HS6ST3: variants seen among roughly 807,000 people sequenced by gnomAD.
HS6ST3 encodes the protein heparan sulfate 6-O-sulfotransferase 3, also known as heparan-sulfate 6-O-sulfotransferase 3.
In HS6ST3, 12 loss-of-function variants were observed where a neutral mutation model predicts 36.7. The observed-to-expected ratio is 0.33, with a 90% confidence interval of 0.21 to 0.53. The LOEUF is 0.53. Ranked by LOEUF, HS6ST3 falls within the 20% of genes least tolerant of loss-of-function variation. The probability of loss-of-function intolerance (pLI) is 0.95; values close to 1 mark genes in which losing one functional copy is unlikely to be tolerated. For missense variants in HS6ST3, 584 were observed against 640.9 expected, an observed-to-expected ratio of 0.91 and a Z score of 0.96; for synonymous variants, 240 against 257.5, an observed-to-expected ratio of 0.93 and a Z score of 0.65.
intron 1 of HS6ST3, among the ~76,000 whole-genome samples, chr13:96,411,680 G>A (rs1342046791): frequency 3.3e-5 from 5 of 152,162 alleles, no homozygotes; most frequent in Non-Finnish European, 5.9e-5. Flanking sequence ...CAGATTGGCC[G>A]GAAACCTGAT....
chr13:96,601,565 A>T (rs1305286690), intron 1 of HS6ST3, among the ~76,000 whole-genome samples: 1 of 152,042 alleles, frequency 6.6e-6, no homozygotes, highest in African/African-American at 2.4e-5. Flanking sequence ...CTTGGATCTC[A>T]TTGAGCAAAT....
chr13:96,681,946 T>C (rs2056720063), intron 1 of HS6ST3, among the ~76,000 whole-genome samples: 3 of 152,110 alleles, frequency 2.0e-5, no homozygotes, highest in Admixed American at 2.0e-4. Flanking sequence ...CAGTGCAAAG[T>C]CTGTGCTGAC....
intron 1 of HS6ST3, among the ~76,000 whole-genome samples, chr13:96,354,368 A>AT (rs1288848648): frequency 6.6e-6 from 1 of 152,210 alleles, no homozygotes; most frequent in Non-Finnish European, 1.5e-5. Flanking sequence ...GGAAACTCAG[A>AT]TAAAAACAGA....
At chr13:96,724,079 C>T (rs1322796989) in intron 1 of HS6ST3, among the ~76,000 whole-genome samples, 3 of 152,158 alleles carry the variant, frequency 2.0e-5, no homozygotes, top group Admixed American at 6.5e-5. Flanking sequence ...GCAGGCTCCT[C>T]AGCTTCAGAA....
intron 1 of HS6ST3, among the ~76,000 whole-genome samples, chr13:96,199,491 A>T (rs985100022): frequency 1.3e-5 from 2 of 152,204 alleles, no homozygotes. Context: ...GATGAAACTT[A>T]GCAGGCTATT....
At chr13:96,653,375 A>C (rs2056614234) in intron 1 of HS6ST3, among the ~76,000 whole-genome samples, 1 of 151,984 alleles carries the variant, frequency 6.6e-6, no homozygotes, top group South Asian at 2.1e-4. Flanking sequence ...TCACCCACTG[A>C]CAAGCCCTGG....
chr13:96,452,637 A>G (rs1287843149), intron 1 of HS6ST3, among the ~76,000 whole-genome samples: 1 of 152,110 alleles, frequency 6.6e-6, no homozygotes, highest in African/African-American at 2.4e-5. Context: ...CTAATATGCA[A>G]TTAAGGGAAC....
intron 1 of HS6ST3, among the ~76,000 whole-genome samples, chr13:96,698,750 A>G (rs1309760179): frequency 6.6e-6 from 1 of 151,966 alleles, no homozygotes; most frequent in African/African-American, 2.4e-5. Flanking sequence ...GAATTGGAAA[A>G]AACTAGTTCA....
intron 1 of HS6ST3, among the ~76,000 whole-genome samples, chr13:96,380,921 A>G (rs1454971116): frequency 1.3e-5 from 2 of 152,230 alleles, no homozygotes; most frequent in Non-Finnish European, 2.9e-5. Flanking sequence ...TAAAAATGCA[A>G]TGTGCCAAGT....
chr13:96,189,527 C>T (rs2054279414), intron 1 of HS6ST3, among the ~76,000 whole-genome samples: 3 of 152,098 alleles, frequency 2.0e-5, no homozygotes, highest in Non-Finnish European at 4.4e-5. Context: ...GTGAGGTCCT[C>T]ATCTTGAGGT....
chr13:96,509,427 T>C (rs1173955881), intron 1 of HS6ST3, among the ~76,000 whole-genome samples: 1 of 152,172 alleles, frequency 6.6e-6, no homozygotes, highest in Non-Finnish European at 1.5e-5. Flanking sequence ...CCTAAACCAA[T>C]GTCTAGAAGA....
chr13:96,246,475 G>C (rs1251117897), intron 1 of HS6ST3, among the ~76,000 whole-genome samples: 1 of 152,092 alleles, frequency 6.6e-6, no homozygotes, highest in Non-Finnish European at 1.5e-5. Context: ...TCTGGTCTGG[G>C]GACAGTCCTG....
At chr13:96,438,371 T>C (rs901951365) in intron 1 of HS6ST3, among the ~76,000 whole-genome samples, 2 of 152,250 alleles carry the variant, frequency 1.3e-5, no homozygotes, top group Admixed American at 6.5e-5. Flanking sequence ...CATACTCTTA[T>C]GTGAAATTCT....
chr13:96,473,768 A>G (rs968927235), intron 1 of HS6ST3, among the ~76,000 whole-genome samples: 2 of 152,144 alleles, frequency 1.3e-5, no homozygotes, highest in African/African-American at 4.8e-5. Flanking sequence ...CACAGGACAG[A>G]GTAACTGAGA....
intron 1 of HS6ST3, among the ~76,000 whole-genome samples, chr13:96,340,770 A>G (rs1255490077): frequency 6.6e-6 from 1 of 152,244 alleles, no homozygotes; most frequent in African/African-American, 2.4e-5. Flanking sequence ...ACTATTCTAT[A>G]TAAGAGATGG....
intron 1 of HS6ST3, among the ~76,000 whole-genome samples, chr13:96,821,808 A>T (rs983849092): frequency 6.6e-6 from 1 of 152,222 alleles, no homozygotes; most frequent in Non-Finnish European, 1.5e-5. Flanking sequence ...AAATCCTAAA[A>T]CAGAAGTATC....
At chr13:96,733,852 A>T (rs908596159) in intron 1 of HS6ST3, among the ~76,000 whole-genome samples, 1 of 152,084 alleles carries the variant, frequency 6.6e-6, no homozygotes, top group Admixed American at 6.5e-5. Context: ...TCTCTCCTCC[A>T]CATCTAATCA....
At chr13:96,445,632 G>A (rs914127582) in intron 1 of HS6ST3, among the ~76,000 whole-genome samples, 7 of 150,566 alleles carry the variant, frequency 4.6e-5, no homozygotes, top group South Asian at 2.1e-4. Context: ...TTTGGGAGGC[G>A]AAGGCAAGCA....
intron 1 of HS6ST3, among the ~76,000 whole-genome samples, chr13:96,509,204 T>G (rs1566381637): frequency 6.6e-6 from 1 of 152,140 alleles, no homozygotes; most frequent in African/African-American, 2.4e-5. Flanking sequence ...TGGGATTATT[T>G]GTTTTTTCTT....
Sources: gnomAD v4.1 joint callset for allele counts (sites outside exome capture counted in the v4.1 genomes callset) on GRCh38, gnomAD v4.1.1 for gene constraint, MANE v1.5 for transcripts, NCBI Gene and HGNC (gene_info 2026-07-23, HGNC 2026-07-21) for gene names.